The following CNOT6 variants were observed in gnomAD, a reference collection of about 807,000 sequenced individuals.
CNOT6 encodes CCR4-NOT transcription complex subunit 6.
In CNOT6, 12 loss-of-function variants were observed where a neutral mutation model predicts 61.2. That is an observed-to-expected ratio of 0.20 (90% confidence interval 0.13 to 0.32). The LOEUF is 0.32. CNOT6 is among the 10% of genes least tolerant of loss of function. The pLI, the probability that CNOT6 is intolerant of heterozygous loss-of-function variation, is 1.00. For synonymous variants in CNOT6, 225 were observed against 240.6 expected (o/e 0.94, Z 0.60); for missense variants, 405 against 663.9 (o/e 0.61, Z 4.28).
rs1355093495 is a variant in CNOT6, at chr5:180,564,591, GAAGT to G, written c.490+3_490+6del. On this transcript the variant is annotated splice_donor_variant and coding_sequence_variant, in exon 5 of 12. Transcript: ENST00000261951. LOFTEE classifies it high-confidence loss of function. ...GATAATTTGTCAGGTACTGCAAAAA[GAAGT>G]AAGTGGTTATTTGTTTAAACCTTTT... The G allele has an allele frequency of 6.2e-7, 1 of 1,612,668 alleles. No homozygotes were observed. The highest frequency in any genetic ancestry group is 1.3e-5 in the African/African-American group (1 of 74,908).
At chr5:180,504,123 A>G (rs1757020824) in intron 1 of CNOT6, among the ~76,000 whole-genome samples, 2 of 152,204 alleles carry the variant, frequency 1.3e-5, no homozygotes, top group African/African-American at 4.8e-5. Context: ...GAGTCCACAT[A>G]AGAGTACTTT....
intron 1 of CNOT6, among the ~76,000 whole-genome samples, chr5:180,514,472 T>A (rs1757544917): frequency 6.6e-6 from 1 of 152,236 alleles, no homozygotes; most frequent in South Asian, 2.1e-4. Flanking sequence ...TGCAGTGTAA[T>A]TAGGACTTGG....
chr5:180,538,034 C>CTT (rs57646217), intron 2 of CNOT6, among the ~76,000 whole-genome samples: 75 of 74,270 alleles, frequency 1.0e-3, no homozygotes, highest in Middle Eastern at 7.4e-3. Flanking sequence ...GGAACATCAT[C>CTT]TTTTTTTTTT....
intron 2 of CNOT6, among the ~76,000 whole-genome samples, chr5:180,533,312 C>CTATATGTATATATATATATATATATATA (rs71591497): frequency 1.1e-4 from 14 of 127,640 alleles, no homozygotes; most frequent in African/African-American, 4.0e-4. Context: ...GGATGAAAAC[C>CTATATGTATATATATATATATATATATA]TATATATATA....
At chr5:180,499,749 T>G (rs1368456474) in intron 1 of CNOT6, among the ~76,000 whole-genome samples, 1 of 152,222 alleles carries the variant, frequency 6.6e-6, no homozygotes, top group African/African-American at 2.4e-5. Flanking sequence ...TGTGGCATTT[T>G]CTTTGAAAAA....
At chr5:180,496,337 G>A (rs1202756234) in intron 1 of CNOT6, among the ~76,000 whole-genome samples, 3 of 152,146 alleles carry the variant, frequency 2.0e-5, no homozygotes, top group Non-Finnish European at 4.4e-5. Context: ...TGAGAAGACA[G>A]ACCTTTCTAG....
intron 1 of CNOT6, among the ~76,000 whole-genome samples, chr5:180,503,104 C>G (rs1290700237): frequency 1.3e-5 from 2 of 152,036 alleles, no homozygotes; most frequent in Admixed American, 6.5e-5. Context: ...GTGCAGTGGG[C>G]TCTGCTGCTT....
At chr5:180,545,247 A>G (rs1312929310) in intron 2 of CNOT6, among the ~76,000 whole-genome samples, 1 of 152,208 alleles carries the variant, frequency 6.6e-6, no homozygotes, top group East Asian at 1.9e-4. Context: ...AACCATCACC[A>G]CAATCAAGAA....
At chr5:180,508,472 C>T (rs772281438) in intron 1 of CNOT6, among the ~76,000 whole-genome samples, 9 of 152,070 alleles carry the variant, frequency 5.9e-5, no homozygotes, top group Non-Finnish European at 1.2e-4. Context: ...CCACCATGCC[C>T]AGCTAATTTT....
At chr5:180,555,196 C>T (rs572921021) in intron 4 of CNOT6, among the ~76,000 whole-genome samples, 5 of 152,036 alleles carry the variant, frequency 3.3e-5, no homozygotes, top group Admixed American at 6.6e-5. Flanking sequence ...TTAGCAGAGA[C>T]GAGATTTCAC....
At chr5:180,529,458 CA>C in intron 2 of CNOT6, 70 bp downstream of exon 2, 1 of 806,964 alleles carries the variant, frequency 1.2e-6, no homozygotes, top group Non-Finnish European at 2.1e-6. Flanking sequence ...TTTCTAATGC[CA>C]ATACAGGAAA....
chr5:180,507,526 C>T (rs1414949853), intron 1 of CNOT6, among the ~76,000 whole-genome samples: 5 of 152,268 alleles, frequency 3.3e-5, no homozygotes, highest in South Asian at 2.1e-4. Context: ...CACTTGAACT[C>T]GGGAGGCAGA....
At chr5:180,525,884 T>A (rs767234165) in intron 1 of CNOT6, among the ~76,000 whole-genome samples, 66 of 152,208 alleles carry the variant, frequency 4.3e-4, no homozygotes, top group Non-Finnish European at 4.4e-4. Flanking sequence ...AAGTGACCAT[T>A]GGAAATAAGA....
chr5:180,535,424 C>G (rs896329802), intron 2 of CNOT6, among the ~76,000 whole-genome samples: 1 of 152,176 alleles, frequency 6.6e-6, no homozygotes, highest in East Asian at 1.9e-4. Flanking sequence ...TTGACTGTTT[C>G]TGAGTTGTTT....
intron 1 of CNOT6, among the ~76,000 whole-genome samples, chr5:180,507,782 GCT>G (rs1266688902): frequency 7.6e-6 from 1 of 131,742 alleles, no homozygotes; most frequent in African/African-American, 2.7e-5. Flanking sequence ...AGGAAACGTG[GCT>G]GGGGAGGCCT....
At chr5:180,564,086 C>T (rs893861072) in intron 4 of CNOT6, among the ~76,000 whole-genome samples, 1 of 152,148 alleles carries the variant, frequency 6.6e-6, no homozygotes, top group Non-Finnish European at 1.5e-5. Flanking sequence ...AGTTTTGATT[C>T]TCTGATGCAT....
intron 3 of CNOT6, among the ~76,000 whole-genome samples, 171 bp from the exon 4 acceptor site, chr5:180,553,215 A>C (rs11738044): frequency 0.44 from 66,473 of 150,954 alleles, 15,588 homozygotes; most frequent in Non-Finnish European, 0.54. Context: ...ATTCTCTGGC[A>C]GTTTTTTTTT....
chr5:180,573,467 T>G (rs1416164261), intron 11 of CNOT6, among the ~76,000 whole-genome samples: 1 of 151,750 alleles, frequency 6.6e-6, no homozygotes, highest in African/African-American at 2.4e-5. Flanking sequence ...TGGAAAGCAG[T>G]TGAACCTGAC....
intron 1 of CNOT6, among the ~76,000 whole-genome samples, chr5:180,496,033 C>T (rs1756598171): frequency 6.6e-6 from 1 of 152,148 alleles, no homozygotes; most frequent in South Asian, 2.1e-4. Flanking sequence ...TTGCCTCACC[C>T]TCCTGACTAG....
Sources: gnomAD v4.1 joint callset for allele counts (sites outside exome capture counted in the v4.1 genomes callset) on GRCh38, gnomAD v4.1.1 for gene constraint, MANE v1.5 for transcripts, NCBI Gene and HGNC (gene_info 2026-07-23, HGNC 2026-07-21) for gene names.